Variants in PRMT3 observed in about 807,000 individuals in gnomAD.
PRMT3 encodes protein arginine methyltransferase 3, also known as protein arginine N-methyltransferase 3.
A neutral mutation model predicts 71.9 loss-of-function variants in PRMT3; 62 were observed. The observed-to-expected ratio is 0.86, with a 90% CI of 0.70 to 1.07. The LOEUF is 1.07. Among genes scored for constraint, PRMT3 ranks in the 50% least tolerant of loss-of-function variants. The probability of loss-of-function intolerance (pLI) is 0.00; values close to 1 mark genes in which losing one functional copy is unlikely to be tolerated. For missense variants in PRMT3, 663 were observed against 643.0 expected (o/e 1.03, Z -0.34); for synonymous variants, 213 against 220.4 (o/e 0.97, Z 0.30).
At chr11:20,485,829 A>C (rs909366303) in intron 13 of PRMT3, among the ~76,000 whole-genome samples, 1 of 152,250 alleles carries the variant, frequency 6.6e-6, no homozygotes, top group Non-Finnish European at 1.5e-5. Context: ...TAAGAAGTCA[A>C]CATAACCTAA....
At chr11:20,492,894 T>TA (rs1337295928) in intron 13 of PRMT3, among the ~76,000 whole-genome samples, 2 of 152,200 alleles carry the variant, frequency 1.3e-5, no homozygotes, top group Admixed American at 1.3e-4. Context: ...CCATCTCTAC[T>TA]AAAAATATAA....
chr11:20,483,846 C>T (rs570344129), intron 13 of PRMT3, among the ~76,000 whole-genome samples: 486 of 152,254 alleles, frequency 3.2e-3, no homozygotes, highest in Non-Finnish European at 4.3e-3. Flanking sequence ...ATGGCTTCTT[C>T]TTGAAAGCCT....
At chr11:20,436,650 G>A (rs1158948125) in intron 10 of PRMT3, among the ~76,000 whole-genome samples, 1 of 151,772 alleles carries the variant, frequency 6.6e-6, no homozygotes, top group Non-Finnish European at 1.5e-5. Context: ...CATGGCAAGT[G>A]ATCTTCTGAT....
At chr11:20,452,988 C>T (rs1850183522) in intron 11 of PRMT3, among the ~76,000 whole-genome samples, 1 of 152,164 alleles carries the variant, frequency 6.6e-6, no homozygotes, top group Non-Finnish European at 1.5e-5. Flanking sequence ...GCATGTTCCT[C>T]CTTCACTTAC....
intron 13 of PRMT3, among the ~76,000 whole-genome samples, chr11:20,465,260 T>C (rs1850485372): frequency 6.6e-6 from 1 of 152,058 alleles, no homozygotes; most frequent in Non-Finnish European, 1.5e-5. Flanking sequence ...TTATAAATGT[T>C]TATTTTTTTA....
Position 20,493,913 on chromosome 11 carries a change from A to T in PRMT3, c.1348-6A>T, listed in dbSNP as rs1420067351. On this transcript the variant is annotated splice_region_variant and splice_polypyrimidine_tract_variant and intron_variant, in intron 13 of 15. Coordinates refer to ENST00000331079, the MANE Select transcript of PRMT3 (RefSeq NM_005788.4). ...AAGCATTTATATTTCTTTTTTTAAA[A>T]AACAGGCAATTGCTGGCTACTTTGA... 13 of 1,569,988 alleles carry T rather than the reference A, an allele frequency of 8.3e-6. No homozygotes were observed. In the East Asian group the frequency reaches 2.7e-4, roughly 33 times the overall value.
intron 7 of PRMT3, among the ~76,000 whole-genome samples, chr11:20,400,812 G>A (rs1848932425): frequency 6.6e-6 from 1 of 151,318 alleles, no homozygotes; most frequent in South Asian, 2.1e-4. Context: ...CAGTAATTTT[G>A]TTATTTTATT....
In PRMT3 at chr11:20,408,578, A is replaced by G. The variant is rs145694663; in HGVS notation, c.893+546A>G. On this transcript the variant is annotated intron_variant, in intron 9 of 15. Transcript: ENST00000331079. ...CTCTAAAAATCTCTGTCTTTTGAGT[A>G]TTTAGCTGGGTTGATTGATTTTACA... Among the ~76,000 whole-genome samples, 34 of 152,248 alleles carry G rather than the reference A, an allele frequency of 2.2e-4. 1 individual carries two copies. The highest frequency in any genetic ancestry group is 2.1e-3 in the Admixed American group (32 of 15,284).
At chr11:20,419,912 C>T (rs1180536811) in intron 9 of PRMT3, among the ~76,000 whole-genome samples, 2 of 152,212 alleles carry the variant, frequency 1.3e-5, no homozygotes, top group African/African-American at 2.4e-5. Flanking sequence ...TGGCTCACGC[C>T]TGTAATTCCA....
At chr11:20,440,887 A>C (rs1172405763) in intron 10 of PRMT3, among the ~76,000 whole-genome samples, 2 of 152,130 alleles carry the variant, frequency 1.3e-5, no homozygotes, top group African/African-American at 2.4e-5. Flanking sequence ...AGAGTCTTTC[A>C]TAGAGCAAAA....
intron 7 of PRMT3, among the ~76,000 whole-genome samples, chr11:20,400,065 G>A (rs1312846388): frequency 2.6e-5 from 4 of 152,158 alleles, no homozygotes; most frequent in Non-Finnish European, 1.5e-5. Flanking sequence ...TGAATGTGAA[G>A]CATGCCTTAT....
At chr11:20,425,333 A>G (rs563502788) in intron 9 of PRMT3, among the ~76,000 whole-genome samples, 2 of 152,354 alleles carry the variant, frequency 1.3e-5, no homozygotes, top group South Asian at 4.1e-4. Context: ...ATGCACATGT[A>G]TTACTGCTGG....
At chr11:20,396,698 A>G (rs1315409676) in intron 6 of PRMT3, among the ~76,000 whole-genome samples, 1 of 152,162 alleles carries the variant, frequency 6.6e-6, no homozygotes, top group Non-Finnish European at 1.5e-5. Context: ...CCAGAAAACC[A>G]GATATACAGT....
intron 10 of PRMT3, among the ~76,000 whole-genome samples, chr11:20,442,454 A>T (rs1477916018): frequency 6.6e-6 from 1 of 152,184 alleles, no homozygotes; most frequent in African/African-American, 2.4e-5. Context: ...CTTTGTGGAT[A>T]GATGACCATT....
chr11:20,470,696 G>A (rs564759074), intron 13 of PRMT3, among the ~76,000 whole-genome samples: 1 of 152,238 alleles, frequency 6.6e-6, no homozygotes, highest in South Asian at 2.1e-4. Context: ...GTGCTGCAGT[G>A]AACATACATG....
In PRMT3 at chr11:20,490,949, AC is replaced by A. The variant is rs1256359604; in HGVS notation, c.1348-2969del. 5.9e-5 allele frequency among the ~76,000 whole-genome samples: 9 copies of A among 152,206 alleles called. No homozygotes were observed. The South Asian group carries it at 1.9e-3, about 32-fold the overall frequency. ...TTCTGTCTAGATATAGAATTTTAAAACTTTTTTTTCTCCATCAGTGTCTTTT... is the reference window on the plus strand; with the variant it reads ...TTCTGTCTAGATATAGAATTTTAAAATTTTTTTTCTCCATCAGTGTCTTTT... On this transcript the variant is annotated intron_variant, in intron 13 of 15. Transcript: ENST00000331079.
chr11:20,395,728 A>G, intron 5 of PRMT3, 75 bp from the exon 6 acceptor site: 1 of 1,418,802 alleles, frequency 7.0e-7, no homozygotes, highest in Non-Finnish European at 9.6e-7. Flanking sequence ...CTTAGGGCGT[A>G]TTTATTCCTA....
chr11:20,432,510 G>A (rs1301870805), intron 10 of PRMT3, among the ~76,000 whole-genome samples: 1 of 152,078 alleles, frequency 6.6e-6, no homozygotes, highest in African/African-American at 2.4e-5. Flanking sequence ...GAATAGTGCT[G>A]TTATAAATGT....
At chr11:20,435,737 AC>A (rs755215000) in intron 10 of PRMT3, among the ~76,000 whole-genome samples, 10 of 152,146 alleles carry the variant, frequency 6.6e-5, no homozygotes, top group Non-Finnish European at 1.3e-4. Flanking sequence ...TGTTTTGGTT[AC>A]TATAGGTTGT....
Sources: gnomAD v4.1 joint callset for allele counts (sites outside exome capture counted in the v4.1 genomes callset) on GRCh38, gnomAD v4.1.1 for gene constraint, MANE v1.5 for transcripts, NCBI Gene and HGNC (gene_info 2026-07-23, HGNC 2026-07-21) for gene names.